NINL: variants seen among roughly 807,000 people sequenced by gnomAD.
NINL encodes the protein ninein-like protein.
In NINL, 153 loss-of-function variants were observed where a neutral mutation model predicts 160.3. The ratio of observed to expected loss-of-function variants is 0.95; its 90% CI spans 0.84 to 1.09. The LOEUF (loss-of-function observed/expected upper bound fraction) is 1.09, where lower values mean the gene tolerates loss of function less well. Among genes scored for constraint, NINL ranks in the 50% least tolerant of loss-of-function variants. NINL has a pLI of 0.00. For synonymous variants in NINL, 800 were observed against 734.8 expected, an observed-to-expected ratio of 1.09 and a Z score of -1.43; for missense variants, 1,829 against 1,764.0, an observed-to-expected ratio of 1.04 and a Z score of -0.66.
intron 7 of NINL, among the ~76,000 whole-genome samples, chr20:25,501,401 C>T (rs1261505052): frequency 6.6e-6 from 1 of 152,220 alleles, no homozygotes; most frequent in Non-Finnish European, 1.5e-5. Flanking sequence ...CCCATAGAGT[C>T]CATGCCAGCA....
In NINL at chr20:25,489,331, G is replaced by A; in HGVS notation, c.1597-7C>T. The A allele has an allele frequency of 6.2e-7, 1 of 1,613,314 alleles. No individual in the cohort carries two copies. Among genetic ancestry groups the A allele is most frequent in the South Asian group, 1.1e-5 (1 of 91,088 alleles). ...CTGCACTCTGTGGCTCCAGCTGAAA[G>A]GCAGACACAAAGGAAGTCACGGGTG... On this transcript the variant is annotated splice_polypyrimidine_tract_variant and splice_region_variant and intron_variant, in intron 12 of 23. Transcript: ENST00000278886.
chr20:25,499,559 C>A (rs1465627262), intron 8 of NINL, among the ~76,000 whole-genome samples: 1 of 152,056 alleles, frequency 6.6e-6, no homozygotes, highest in Non-Finnish European at 1.5e-5. Flanking sequence ...GCCCTTCCTG[C>A]AAGCGATTTT....
chr20:25,582,047 G>C (rs892796939), intron 1 of NINL, among the ~76,000 whole-genome samples: 2 of 152,040 alleles, frequency 1.3e-5, no homozygotes, highest in African/African-American at 4.8e-5. Context: ...CACGAGGTCA[G>C]GAGATGGAGA....
rs374419892 is a variant in NINL at position 25,489,248 on chromosome 20, C to A, written c.1673G>T (p.Cys558Phe). 1 of 1,614,002 alleles carries A rather than the reference C, an allele frequency of 6.2e-7. No individual in the cohort carries two copies. The highest frequency in any genetic ancestry group is 8.5e-7 in the Non-Finnish European group (1 of 1,179,986). ...AAVLKEYELK[C>F]RDLQDRNDEL... ...GCAGACAGAGCAGGCACGTACCCGG[C>A]ACTTGAGCTCGTATTCCTTCAGGAC... The change falls in exon 13 of 24, where the codon TGC becomes TTC. Residue 558 changes from cysteine to phenylalanine, a missense_variant. Coordinates refer to ENST00000278886, the MANE Select transcript of NINL (RefSeq NM_025176.6).
At position 25,491,556 on chromosome 20, in the gene NINL, A is replaced by G. The variant is rs752371761; in HGVS notation, c.1311-31T>C. 16 of 1,602,862 alleles carry G rather than the reference A, an allele frequency of 1.0e-5. No homozygotes were observed. In the East Asian group the frequency reaches 3.1e-4, roughly 31 times the overall value. ...ACATGTCACACATCACACGTCAGAC[A>G]TGTCATGTCAGGGCTGCCCAGGCCC... is the stretch of plus-strand genomic sequence containing the variant. On this transcript the variant is annotated intron_variant, in intron 10 of 23. Transcript: ENST00000278886.
At chr20:25,514,701 C>T (rs1264068619) in intron 3 of NINL, among the ~76,000 whole-genome samples, 1 of 152,218 alleles carries the variant, frequency 6.6e-6, no homozygotes, top group Non-Finnish European at 1.5e-5. Context: ...GGAGATAGAG[C>T]ACCGCTGCCC....
chr20:25,502,364 C>T (rs2063886096), intron 7 of NINL, among the ~76,000 whole-genome samples: 1 of 152,204 alleles, frequency 6.6e-6, no homozygotes, highest in Non-Finnish European at 1.5e-5. Context: ...CCTACAACAC[C>T]ACTCACCAAA....
chr20:25,566,324 C>A (rs963800096), intron 1 of NINL, among the ~76,000 whole-genome samples: 6 of 152,056 alleles, frequency 3.9e-5, no homozygotes, highest in African/African-American at 1.4e-4. Context: ...AACACAAAAC[C>A]TCACACTAAA....
intron 1 of NINL, among the ~76,000 whole-genome samples, chr20:25,529,504 TCAGA>T (rs11467046): frequency 0.22 from 33,866 of 152,012 alleles, 4,764 homozygotes; most frequent in Non-Finnish European, 0.31. Context: ...TCAACCCTTC[TCAGA>T]CAGGAGTAGA....
At chr20:25,502,711 G>A (rs550960523) in intron 7 of NINL, among the ~76,000 whole-genome samples, 1 of 152,188 alleles carries the variant, frequency 6.6e-6, no homozygotes, top group South Asian at 2.1e-4. Flanking sequence ...ATTCTCATGA[G>A]ACCTGGTTGT....
At position 25,550,981 on chromosome 20, in the gene NINL, G is replaced by A. The variant is rs190292413; in HGVS notation, c.-11-24383C>T. ...GGCCATATCTCAGGCTGTCTCAGTG[G>A]GGGGAAACCTTGGACAATACCCAGG... is the stretch of plus-strand genomic sequence containing the variant. On this transcript the variant is annotated intron_variant, in intron 1 of 23. Coordinates refer to ENST00000278886, the MANE Select transcript of NINL (RefSeq NM_025176.6). Among the ~76,000 whole-genome samples, 18 of 152,000 alleles carry A rather than the reference G, an allele frequency of 1.2e-4. No homozygotes were observed. In the East Asian group the frequency reaches 3.5e-3, roughly 29 times the overall value.
chr20:25,582,576 T>A (rs1283976162), intron 1 of NINL, among the ~76,000 whole-genome samples: 1 of 152,246 alleles, frequency 6.6e-6, no homozygotes, highest in East Asian at 1.9e-4. Flanking sequence ...ACCTGAACTT[T>A]ACATAAACAC....
intron 5 of NINL, among the ~76,000 whole-genome samples, chr20:25,508,916 C>A (rs768121267): frequency 9.9e-5 from 15 of 152,230 alleles, no homozygotes; most frequent in Non-Finnish European, 1.9e-4. Flanking sequence ...GCACATGACA[C>A]CCCCCTGTTC....
At chr20:25,494,834 TC>T (rs767026433) in intron 10 of NINL, among the ~76,000 whole-genome samples, 33 of 152,192 alleles carry the variant, frequency 2.2e-4, no homozygotes, top group Non-Finnish European at 4.1e-4. Context: ...GTGGCTGGGC[TC>T]TGCCCTCATG....
chr20:25,558,013 C>T (rs6050680), intron 1 of NINL, among the ~76,000 whole-genome samples: 4 of 150,108 alleles, frequency 2.7e-5, no homozygotes, highest in African/African-American at 9.8e-5. Flanking sequence ...TGGTGGCATG[C>T]GCCTGTAATC....
intron 7 of NINL, among the ~76,000 whole-genome samples, chr20:25,501,798 A>G (rs1240335628): frequency 6.6e-6 from 1 of 151,946 alleles, no homozygotes; most frequent in Non-Finnish European, 1.5e-5. Flanking sequence ...GCACCTAGAT[A>G]ATTTTCAAAT....
chr20:25,462,501 C>T lies in NINL; in HGVS notation c.3464G>A (p.Arg1155Lys). The T allele has an allele frequency of 1.2e-6, 2 of 1,614,208 alleles. No homozygotes were observed. The highest frequency in any genetic ancestry group is 1.7e-6 in the Non-Finnish European group (2 of 1,180,032). Residue 1155 changes from arginine to lysine, a missense_variant, in exon 20 of 24, where the codon AGG becomes AAG. By Grantham distance (26) the Arg-to-Lys change is conservative. Coordinates refer to ENST00000278886, the MANE Select transcript of NINL (RefSeq NM_025176.6). ...YKDQLSQLNV[R>K]VLQLGQEAST... Reference sequence around the variant, plus strand: ...AGCCTCCTGTCCCAGTTGAAGAACCCTGACATTGAGCTGGGATAATTGATC... The same window carrying T: ...AGCCTCCTGTCCCAGTTGAAGAACCTTGACATTGAGCTGGGATAATTGATC...
At chr20:25,500,370 T>C (rs2063843387) in intron 8 of NINL, among the ~76,000 whole-genome samples, 1 of 152,018 alleles carries the variant, frequency 6.6e-6, no homozygotes, top group South Asian at 2.1e-4. Context: ...ACCTGGCCCA[T>C]GGTGGGAAGG....
chr20:25,491,071 G>T (rs1384586749), intron 11 of NINL, among the ~76,000 whole-genome samples: 5 of 152,236 alleles, frequency 3.3e-5, no homozygotes, highest in Non-Finnish European at 5.9e-5. Context: ...CTGGCTGCGG[G>T]TGCTGGCCCT....
Sources: gnomAD v4.1 joint callset for allele counts (sites outside exome capture counted in the v4.1 genomes callset) on GRCh38, gnomAD v4.1.1 for gene constraint, MANE v1.5 for transcripts, NCBI Gene and HGNC (gene_info 2026-07-23, HGNC 2026-07-21) for gene names.